Variants in CFAP418 observed in about 807,000 individuals in gnomAD.
CFAP418 encodes cilia- and flagella-associated protein 418.
In CFAP418, 27 loss-of-function variants were observed where a neutral mutation model predicts 24.7. The ratio of observed to expected loss-of-function variants is 1.09; its 90% CI spans 0.81 to 1.51. The LOEUF (loss-of-function observed/expected upper bound fraction) is 1.51. Among genes scored for constraint, CFAP418 ranks in the 40% most tolerant of loss-of-function variants. CFAP418 has a pLI of 0.00. For missense variants in CFAP418, 257 were observed against 255.2 expected (o/e 1.01, Z -0.05); for synonymous variants, 74 against 87.3 (o/e 0.85, Z 0.85).
intron 5 of CFAP418, among the ~76,000 whole-genome samples, chr8:95,248,000 C>A (rs1465766171): frequency 6.6e-6 from 1 of 152,052 alleles, no homozygotes; most frequent in Non-Finnish European, 1.5e-5. Flanking sequence ...TGCCACTATG[C>A]CCGGCTTAAA....
At chr8:95,255,132 C>T (rs1192763295) in intron 4 of CFAP418, among the ~76,000 whole-genome samples, 1 of 152,154 alleles carries the variant, frequency 6.6e-6, no homozygotes, top group African/African-American at 2.4e-5. Context: ...CCATTTTCTG[C>T]ACAGCAGCCA....
intron 4 of CFAP418, among the ~76,000 whole-genome samples, chr8:95,259,627 G>C (rs1811851966): frequency 6.6e-6 from 1 of 152,124 alleles, no homozygotes; most frequent in South Asian, 2.1e-4. Flanking sequence ...GTGGGGCTTA[G>C]AAAAGGGCAT....
intron 4 of CFAP418, among the ~76,000 whole-genome samples, chr8:95,252,552 T>G (rs764796955): frequency 1.4e-4 from 22 of 152,206 alleles, no homozygotes; most frequent in Non-Finnish European, 2.1e-4. Context: ...TGAAAGAAAA[T>G]AGATTTGTAG....
intron 2 of CFAP418, among the ~76,000 whole-genome samples, chr8:95,261,468 T>C (rs1811890641): frequency 6.6e-6 from 1 of 152,132 alleles, no homozygotes; most frequent in African/African-American, 2.4e-5. Flanking sequence ...GGCTTTCTTG[T>C]GTGGGTCTGG....
chr8:95,255,812 A>G (rs977411834), intron 4 of CFAP418, among the ~76,000 whole-genome samples: 5 of 152,248 alleles, frequency 3.3e-5, no homozygotes, highest in African/African-American at 1.2e-4. Flanking sequence ...CAATATGCAT[A>G]TATAAAAAGT....
chr8:95,267,445 C>T (rs1435527270), intron 1 of CFAP418, among the ~76,000 whole-genome samples: 1 of 152,084 alleles, frequency 6.6e-6, no homozygotes, highest in Non-Finnish European at 1.5e-5. Flanking sequence ...ACCAGAAATA[C>T]AAAAAATTAG....
chr8:95,249,858 T>A (rs1811682097), intron 5 of CFAP418, among the ~76,000 whole-genome samples: 1 of 152,178 alleles, frequency 6.6e-6, no homozygotes, highest in Non-Finnish European at 1.5e-5. Context: ...ACATCTTCAT[T>A]CTCAAAACCA....
chr8:95,247,656 C>T lies in CFAP418; in HGVS notation c.585G>A (p.Gln195=), dbSNP rs766293715. The T allele has an allele frequency of 6.2e-7, 1 of 1,614,088 alleles. No homozygotes were observed. Among genetic ancestry groups the T allele is most frequent in the African/African-American group, 1.3e-5 (1 of 74,934 alleles). ...WRTIEEVTDL[Q]TDHQLRWVCG... is the part of the protein sequence containing the mutation. ...AAACCCAGCGAAGCTGATGATCTGT[C>T]TGAAGGTCAGTCACTTCTTCAATAG... Residue 195 remains glutamine, a synonymous_variant, in exon 6 of 6, where the codon CAG becomes CAA. Coordinates refer to ENST00000286688, the MANE Select transcript of CFAP418 (RefSeq NM_177965.4).
chr8:95,269,042 T>A lies in CFAP418; in HGVS notation c.148A>T (p.Thr50Ser), dbSNP rs745712649. ...CCCTCCCGCCCGGTTAACCTGAGCG[T>A]CTCTTTCGCCTTGGCTTGGTTCCGG... is the stretch of plus-strand genomic sequence containing the variant. ...SDRNQAKAKE[T>S]LRSTETFKKE... is the part of the protein sequence containing the mutation. Residue 50 changes from threonine to serine, a missense_variant, in exon 1 of 6, where the codon ACG becomes TCG. Coordinates refer to ENST00000286688, the MANE Select transcript of CFAP418 (RefSeq NM_177965.4). The A allele has an allele frequency of 1.2e-6, 2 of 1,613,798 alleles. No homozygotes were observed. The highest frequency in any genetic ancestry group is 2.7e-5 in the African/African-American group (2 of 74,866).
chr8:95,265,261 C>T (rs1393791808), intron 1 of CFAP418, among the ~76,000 whole-genome samples: 1 of 152,070 alleles, frequency 6.6e-6, no homozygotes, highest in East Asian at 1.9e-4. Flanking sequence ...GCCAAATGCC[C>T]CTTGGGTGGC....
At chr8:95,261,664 A>C (rs1212690877) in intron 2 of CFAP418, among the ~76,000 whole-genome samples, 1 of 152,160 alleles carries the variant, frequency 6.6e-6, no homozygotes, top group Non-Finnish European at 1.5e-5. Context: ...TCTCCTTTGA[A>C]GGTTGGAAAA....
chr8:95,247,570 G>A lies in CFAP418; in HGVS notation c.*47C>T. Reference sequence around the variant, plus strand: ...TGTCTAAACATGATGATGATTCATGGAGACCACTCTCATGGATGCATCTGT... The same window carrying A: ...TGTCTAAACATGATGATGATTCATGAAGACCACTCTCATGGATGCATCTGT... On this transcript the variant is annotated 3_prime_UTR_variant, in exon 6 of 6. Coordinates refer to ENST00000286688, the MANE Select transcript of CFAP418 (RefSeq NM_177965.4). 6.2e-7 allele frequency: 1 copy of A among 1,604,144 alleles called. No individual in the cohort carries two copies. The highest frequency in any genetic ancestry group is 2.2e-5 in the East Asian group (1 of 44,830).
At chr8:95,259,413 T>C (rs888126329) in intron 4 of CFAP418, among the ~76,000 whole-genome samples, 1 of 152,188 alleles carries the variant, frequency 6.6e-6, no homozygotes, top group Non-Finnish European at 1.5e-5. Context: ...TTTTGAAATA[T>C]GTAAACATGT....
chr8:95,258,808 C>T (rs1811837571), intron 4 of CFAP418, among the ~76,000 whole-genome samples: 1 of 152,178 alleles, frequency 6.6e-6, no homozygotes, highest in African/African-American at 2.4e-5. Flanking sequence ...CAAATATTTA[C>T]CATTGTGTTA....
Position 95,247,165 on chromosome 8 carries a change from C to A in CFAP418, c.*452G>T, listed in dbSNP as rs957785370. On this transcript the variant is annotated 3_prime_UTR_variant, in exon 6 of 6. Transcript: ENST00000286688. ...GTTTCTGCCATGTCCAAATTATGAT[C>A]TTTGGCAACAAAAGATCTGACTGGA... The A allele has an allele frequency of 6.2e-6, 1 of 161,620 alleles. No individual in the cohort carries two copies. The highest frequency in any genetic ancestry group is 1.4e-5 in the Non-Finnish European group (1 of 73,114). The allele number at this position is 161,620 out of a possible 1,614,324, so 10.0% of individuals were successfully genotyped here.
chr8:95,268,785 C>A lies in CFAP418; in HGVS notation c.155+250G>T, dbSNP rs1036093650. 3 of 124,460 alleles carry A rather than the reference C, an allele frequency of 2.4e-5. No homozygotes were observed. The Admixed American group carries it at 8.0e-4, about 33-fold the overall frequency. 7.7% of individuals were successfully genotyped at this position (124,460 alleles called of 1,614,324 possible). A position where few individuals can be genotyped will look rare whatever the true frequency, so the allele number is the denominator to read the frequency against. The stretch of plus-strand genomic sequence containing the variant: ...CGGGGCGGGGCGGGGCGGGGCGGGG[C>A]GGGGCGGGGGCCAGCCCTCTGGGGC... On this transcript the variant is annotated intron_variant, in intron 1 of 5. Coordinates refer to ENST00000286688, the MANE Select transcript of CFAP418 (RefSeq NM_177965.4).
chr8:95,260,908 C>T (rs1359612836), intron 2 of CFAP418, among the ~76,000 whole-genome samples: 1 of 152,006 alleles, frequency 6.6e-6, no homozygotes, highest in Non-Finnish European at 1.5e-5. Flanking sequence ...GGAAAAAAAC[C>T]TCAGACTCAT....
intron 5 of CFAP418, among the ~76,000 whole-genome samples, chr8:95,249,812 C>T (rs1811681647): frequency 6.6e-6 from 1 of 152,176 alleles, no homozygotes; most frequent in South Asian, 2.1e-4. Context: ...AGTGATTATT[C>T]CACATCCTCC....
chr8:95,266,368 C>T (rs1436411691), intron 1 of CFAP418, among the ~76,000 whole-genome samples: 2 of 152,072 alleles, frequency 1.3e-5, no homozygotes, highest in African/African-American at 2.4e-5. Context: ...TTCTTTTTAT[C>T]ATTTTGAACA....
Sources: allele counts gnomAD v4.1 joint callset (sites outside exome capture counted in the v4.1 genomes callset), GRCh38; gene constraint gnomAD v4.1.1; transcripts MANE v1.5; gene names NCBI Gene and HGNC (gene_info 2026-07-23, HGNC 2026-07-21).